Variants in VSTM2A observed in about 807,000 individuals in gnomAD.
VSTM2A encodes V-set and transmembrane domain containing 2A.
VSTM2A carries 13 observed loss-of-function variants against 27.3 expected under a neutral mutation model. The observed-to-expected ratio is 0.48, with a 90% CI of 0.31 to 0.76. The LOEUF is 0.76. Among genes scored for constraint, VSTM2A ranks in the 30% least tolerant of loss-of-function variants. The pLI is 0.05. For synonymous variants in VSTM2A, 142 were observed against 125.7 expected (o/e 1.13, Z -0.87); for missense variants, 280 against 310.0 (o/e 0.90, Z 0.73).
intron 4 of VSTM2A, among the ~76,000 whole-genome samples, chr7:54,566,194 G>C (rs138584960): frequency 5.6e-4 from 86 of 152,332 alleles, no homozygotes; most frequent in African/African-American, 2.0e-3. Flanking sequence ...GAAACCTCTA[G>C]GTCCCATTAG....
chr7:54,560,973 C>G (rs924892700), intron 4 of VSTM2A, among the ~76,000 whole-genome samples: 1 of 152,086 alleles, frequency 6.6e-6, no homozygotes, highest in Non-Finnish European at 1.5e-5. Context: ...GGAGCCTGTT[C>G]GTCAGCCTTG....
chr7:54,553,833 T>G (rs662136), intron 4 of VSTM2A: 1 of 1,550,480 alleles, frequency 6.4e-7, no homozygotes, highest in African/African-American at 1.4e-5. Flanking sequence ...ATATACTAAG[T>G]CATTCTCTAC....
At chr7:54,549,748 T>C (rs2115810289) in intron 3 of VSTM2A, 86 bp from the exon 4 acceptor site, 1 of 1,298,588 alleles carries the variant, frequency 7.7e-7, no homozygotes, top group Non-Finnish European at 1.0e-6. Context: ...CCTTTAACTT[T>C]CCAATATTAG....
chr7:54,568,329 G>A (rs890046418), intron 4 of VSTM2A, among the ~76,000 whole-genome samples: 8 of 152,152 alleles, frequency 5.3e-5, no homozygotes, highest in African/African-American at 1.9e-4. Flanking sequence ...AAAAATGAAA[G>A]AAGGTAATGC....
At position 54,546,833 on chromosome 7, in the gene VSTM2A, C is replaced by T. The variant is rs1788009403; in HGVS notation, c.247-114C>T. 7 of 1,438,166 alleles carry T rather than the reference C, an allele frequency of 4.9e-6. No individual in the cohort carries two copies. In the African/African-American group the frequency reaches 7.3e-5, roughly 15 times the overall value. The allele number at this position is 1,438,166 out of a possible 1,614,324, so 89.1% of individuals were successfully genotyped here. ...GGTGGCCACGCCCCTGGTCGCTCCCCTGTCCCCAGGTCACCCTGACGGCCC... is the reference window on the plus strand; with the variant it reads ...GGTGGCCACGCCCCTGGTCGCTCCCTTGTCCCCAGGTCACCCTGACGGCCC... On this transcript the variant is annotated intron_variant, in intron 2 of 4. Transcript: ENST00000402613.
intron 4 of VSTM2A, among the ~76,000 whole-genome samples, chr7:54,567,314 A>G (rs1788754499): frequency 6.6e-6 from 1 of 152,250 alleles, no homozygotes; most frequent in Non-Finnish European, 1.5e-5. Context: ...TATATTACAT[A>G]TCTGATGGAA....
chr7:54,555,280 C>T (rs1163064474), intron 4 of VSTM2A, among the ~76,000 whole-genome samples: 1 of 152,154 alleles, frequency 6.6e-6, no homozygotes, highest in African/African-American at 2.4e-5. Flanking sequence ...ATACAAGGGA[C>T]GTATCACAAC....
At chr7:54,548,886 T>C (rs1434227196) in intron 3 of VSTM2A, among the ~76,000 whole-genome samples, 3 of 151,850 alleles carry the variant, frequency 2.0e-5, no homozygotes, top group African/African-American at 7.3e-5. Context: ...TTCATTTCTT[T>C]TCTGTATCTT....
At chr7:54,566,898 A>G in intron 4 of VSTM2A, among the ~76,000 whole-genome samples, 1 of 152,356 alleles carries the variant, frequency 6.6e-6, no homozygotes, top group African/African-American at 2.4e-5. Flanking sequence ...ATAAAAGTTA[A>G]TATTTCCATA....
At position 54,569,291 on chromosome 7, in the gene VSTM2A, T is replaced by G; in HGVS notation, c.*72T>G. The G allele has an allele frequency of 6.5e-7, 1 of 1,537,060 alleles. No homozygotes were observed. Among genetic ancestry groups the G allele is most frequent in the Non-Finnish European group, 8.8e-7 (1 of 1,140,162 alleles). On this transcript the variant is annotated 3_prime_UTR_variant, in exon 5 of 5. Transcript: ENST00000402613. Reference sequence around the variant, plus strand: ...CTATCACATGCTTTGTTGATCATATTTTCTTTGGCAAAACACTGATCTTTT... The same window carrying G: ...CTATCACATGCTTTGTTGATCATATGTTCTTTGGCAAAACACTGATCTTTT...
chr7:54,544,830 C>T (rs201345858), intron 2 of VSTM2A, 42 bp downstream of exon 2: 3 of 1,552,968 alleles, frequency 1.9e-6, no homozygotes, highest in Admixed American at 3.9e-5. Context: ...TTCGCTCGCC[C>T]GGTCCTCAGG....
At chr7:54,549,043 T>C (rs2692097) in intron 3 of VSTM2A, among the ~76,000 whole-genome samples, 12,145 of 150,092 alleles carry the variant, frequency 0.081, 686 homozygotes, top group Non-Finnish European at 0.12. Flanking sequence ...TATAAAATCA[T>C]ATATCTAATA....
intron 4 of VSTM2A, among the ~76,000 whole-genome samples, chr7:54,563,144 A>G (rs1350480474): frequency 6.6e-6 from 1 of 152,124 alleles, no homozygotes; most frequent in Non-Finnish European, 1.5e-5. Context: ...TCATATCTCT[A>G]TATATTTTTA....
chr7:54,550,457 A>C, intron 4 of VSTM2A: 4 of 659,806 alleles, frequency 6.1e-6, no homozygotes, highest in Non-Finnish European at 9.1e-6. Context: ...AAGAACAATA[A>C]ATCATGTAAT....
intron 4 of VSTM2A, chr7:54,550,437 TA>T (rs1788153945): frequency 1.3e-6 from 1 of 799,618 alleles, no homozygotes; most frequent in Non-Finnish European, 1.8e-6. Flanking sequence ...TTTCTGTATT[TA>T]CACATTATAA....
rs750994528 is a variant in VSTM2A at position 54,544,734 on chromosome 7, G to C, written c.192G>C (p.Trp64Cys). The C allele has an allele frequency of 6.2e-7, 1 of 1,612,516 alleles. No homozygotes were observed. The highest frequency in any genetic ancestry group is 1.7e-5 in the Admixed American group (1 of 60,014). The change falls in exon 2 of 5, where the codon TGG (tryptophan) becomes TGC (cysteine). Residue 64 changes from tryptophan to cysteine, a missense_variant. Trp to Cys is a radical substitution (Grantham distance 215). Transcript: ENST00000402613. ...SASVYLEIQW[W>C]FLRGPEDLDP... ...CGGTGTATCTGGAGATCCAATGGTG[G>C]TTCCTGCGGGGGCCGGAGGACCTGG...
intron 4 of VSTM2A, among the ~76,000 whole-genome samples, chr7:54,561,880 G>A (rs956391441): frequency 6.6e-6 from 1 of 151,966 alleles, no homozygotes; most frequent in African/African-American, 2.4e-5. Context: ...CTTCCTCAAA[G>A]TCAGACATTA....
At chr7:54,554,152 C>T in intron 4 of VSTM2A, 1 of 1,525,444 alleles carries the variant, frequency 6.6e-7, no homozygotes, top group Non-Finnish European at 8.8e-7. Flanking sequence ...TCCCCACCCT[C>T]TCACATCTCG....
rs779205661 is a variant in VSTM2A at position 54,550,094 on chromosome 7, C to T, written c.558C>T (p.Gly186=). 1 of 1,608,332 alleles carries T rather than the reference C, an allele frequency of 6.2e-7. No homozygotes were observed. The highest frequency in any genetic ancestry group is 1.1e-5 in the South Asian group (1 of 89,734). The part of the protein sequence containing the change: ...VSAAIPSSIH[G]SANQRTHSTS... ...CAGCCATCCCCAGCAGCATCCATGGCTCTGCCAACCAACGAACGCACTCCA... is the reference window on the plus strand; with the variant it reads ...CAGCCATCCCCAGCAGCATCCATGGTTCTGCCAACCAACGAACGCACTCCA... Residue 186 remains glycine, a synonymous_variant, in exon 4 of 5, where the codon GGC becomes GGT. Transcript: ENST00000402613.
Sources: gnomAD v4.1 joint callset for allele counts (sites outside exome capture counted in the v4.1 genomes callset) on GRCh38, gnomAD v4.1.1 for gene constraint, MANE v1.5 for transcripts, NCBI Gene and HGNC (gene_info 2026-07-23, HGNC 2026-07-21) for gene names.